The following SLF2 variants were observed in gnomAD, a reference collection of about 807,000 sequenced individuals.
SLF2 encodes the protein SMC5/6 complex localization factor 2.
A neutral mutation model predicts 124.3 loss-of-function variants in SLF2; 68 were observed. That is an observed-to-expected ratio of 0.55 (90% CI 0.45 to 0.67). SLF2 has a LOEUF of 0.67. Among genes scored for constraint, SLF2 ranks in the 30% least tolerant of loss-of-function variants. The pLI is 0.00. For synonymous variants in SLF2, 480 were observed against 478.8 expected (o/e 1.00, Z -0.03); for missense variants, 1,246 against 1,373.7 (o/e 0.91, Z 1.47).
At chr10:100,942,984 T>G (rs1589959368) in intron 11 of SLF2, among the ~76,000 whole-genome samples, 1 of 124,814 alleles carries the variant, frequency 8.0e-6, no homozygotes, top group Admixed American at 9.9e-5. Context: ...AACTTTAGGG[T>G]ATTTATGGAG....
intron 18 of SLF2, among the ~76,000 whole-genome samples, chr10:100,958,677 T>C (rs1005300061): frequency 2.0e-5 from 3 of 152,218 alleles, no homozygotes; most frequent in Non-Finnish European, 4.4e-5. Context: ...GGTGATTGTT[T>C]TGGAGAAATT....
At chr10:100,944,476 C>T (rs1219925656) in intron 12 of SLF2, among the ~76,000 whole-genome samples, 1 of 119,066 alleles carries the variant, frequency 8.4e-6, no homozygotes, top group Non-Finnish European at 1.6e-5. Flanking sequence ...GCCTGGGCAA[C>T]AGAGCAAGAC....
chr10:100,938,497 C>T, intron 10 of SLF2, 98 bp from the exon 11 acceptor site: 2 of 1,188,354 alleles, frequency 1.7e-6, no homozygotes. Context: ...TCTATAAAAC[C>T]ATTGTAATTA....
chr10:100,929,263 CT>C, intron 6 of SLF2, 53 bp from the exon 7 acceptor site: 2 of 1,513,418 alleles, frequency 1.3e-6, no homozygotes, highest in Non-Finnish European at 1.8e-6. Flanking sequence ...AAACTAAAGA[CT>C]TTTTAAAAAT....
chr10:100,916,476 ATAGTT>A, intron 2 of SLF2, 89 bp from the exon 3 acceptor site: 1 of 1,052,828 alleles, frequency 9.5e-7, no homozygotes, highest in Non-Finnish European at 1.2e-6. Context: ...TAACATTAGT[ATAGTT>A]TAATTTATAT....
At position 100,964,470 on chromosome 10, in the gene SLF2, G is replaced by A. The variant is rs1564788619; in HGVS notation, c.*2558G>A. 6.6e-6 allele frequency: 1 copy of A among 152,604 alleles called. No homozygotes were observed. The highest frequency in any genetic ancestry group is 2.1e-4 in the South Asian group (1 of 4,832). The allele number at this position is 152,604 out of a possible 1,614,324, so 9.5% of individuals were successfully genotyped here. A position where few individuals can be genotyped will look rare whatever the true frequency, so the allele number is the denominator to read the frequency against. On this transcript the variant is annotated 3_prime_UTR_variant, in exon 20 of 20. Transcript: ENST00000238961. ...TTTATCACATTAAGAGGCTCTCCAT[G>A]CACAAAATGCATTGATGTAGCCGTA...
intron 19 of SLF2, among the ~76,000 whole-genome samples, chr10:100,960,820 A>C (rs190317474): frequency 8.0e-5 from 12 of 150,886 alleles, no homozygotes; most frequent in Middle Eastern, 3.4e-3. Context: ...TAAGAGGGAC[A>C]TTTTTTTTAA....
At chr10:100,917,723 C>A (rs1384412534) in intron 3 of SLF2, among the ~76,000 whole-genome samples, 40 of 152,096 alleles carry the variant, frequency 2.6e-4, no homozygotes, top group Non-Finnish European at 2.9e-5. Flanking sequence ...ACTCCAGGTA[C>A]CTGCCACCAT....
intron 12 of SLF2, among the ~76,000 whole-genome samples, chr10:100,944,751 G>T (rs532999029): frequency 6.6e-6 from 1 of 152,126 alleles, no homozygotes; most frequent in African/African-American, 2.4e-5. Flanking sequence ...GAGGCCGGGC[G>T]CGGTGGCTCA....
intron 18 of SLF2, 21 bp from the exon 19 acceptor site, chr10:100,959,407 C>G: frequency 1.9e-6 from 3 of 1,592,254 alleles, no homozygotes; most frequent in Non-Finnish European, 2.6e-6. Flanking sequence ...GATCCCTTTT[C>G]CTGTTTTTGA....
Position 100,929,990 on chromosome 10 carries a change from A to C in SLF2, c.2326A>C (p.Ile776Leu). 2.6e-6 allele frequency: 4 copies of C among 1,515,488 alleles called. No homozygotes were observed. Among genetic ancestry groups the C allele is most frequent in the Non-Finnish European group, 3.5e-6 (4 of 1,130,350 alleles). 93.9% of individuals were successfully genotyped at this position (1,515,488 alleles called of 1,614,324 possible). Residue 776 changes from isoleucine to leucine, a missense_variant, in exon 8 of 20, where the codon ATT (isoleucine) becomes CTT (leucine). Physicochemically the swap from Ile to Leu is conservative, Grantham distance 5. Coordinates refer to ENST00000238961, the MANE Select transcript of SLF2 (RefSeq NM_018121.4). ...FIGQSAVEKL[I>L]LKSGKTDQIF... is the part of the protein sequence containing the mutation. ...TGGACAAAGTGCTGTAGAAAAACTTATTCTTAAGTAAGTAGAAAAATAGAC... is the reference window on the plus strand; with the variant it reads ...TGGACAAAGTGCTGTAGAAAAACTTCTTCTTAAGTAAGTAGAAAAATAGAC...
In SLF2 at chr10:100,929,971, A is replaced by G. The variant is rs150795530; in HGVS notation, c.2307A>G (p.Gln769=). The change falls in exon 8 of 20, where the codon CAA becomes CAG. Residue 769 remains glutamine (Q), a synonymous_variant. Coordinates refer to ENST00000238961, the MANE Select transcript of SLF2 (RefSeq NM_018121.4). ...TAAGAGACTCTGGTTTTATTGGACA[A>G]AGTGCTGTAGAAAAACTTATTCTTA... The part of the protein sequence containing the change: ...LDLRDSGFIG[Q]SAVEKLILKS... The G allele has an allele frequency of 4.9e-4, 764 of 1,545,644 alleles. No homozygotes were observed. Among genetic ancestry groups the G allele is most frequent in the Non-Finnish European group, 6.4e-4 (738 of 1,149,152 alleles).
chr10:100,956,561 CT>C (rs368524733), intron 18 of SLF2, 24 bp downstream of exon 18: 14,464 of 1,174,668 alleles, frequency 0.012, no homozygotes, highest in South Asian at 0.017. Flanking sequence ...TTCTTTTTTT[CT>C]TTTTTTTTTT....
chr10:100,957,454 G>C (rs550151842), intron 18 of SLF2, among the ~76,000 whole-genome samples: 1 of 144,220 alleles, frequency 6.9e-6, no homozygotes, highest in Non-Finnish European at 1.5e-5. Context: ...AGGTTCAAGC[G>C]ATTCTCCTGC....
chr10:100,954,932 C>T (rs983618173), intron 17 of SLF2, among the ~76,000 whole-genome samples: 1 of 147,892 alleles, frequency 6.8e-6, no homozygotes, highest in Non-Finnish European at 1.5e-5. Context: ...GATAACAAGG[C>T]AAGACTCTCT....
At chr10:100,923,911 T>A (rs1178478289) in intron 4 of SLF2, 64 bp from the exon 5 acceptor site, 3 of 1,321,518 alleles carry the variant, frequency 2.3e-6, no homozygotes, top group Non-Finnish European at 1.0e-6. Context: ...TTCTAGACAC[T>A]GAATAAACTT....
At chr10:100,958,364 A>T (rs1281304903) in intron 18 of SLF2, among the ~76,000 whole-genome samples, 1 of 152,242 alleles carries the variant, frequency 6.6e-6, no homozygotes, top group African/African-American at 2.4e-5. Flanking sequence ...AAATACATGT[A>T]GGGGATAGCT....
rs112326723 is a variant in SLF2, at chr10:100,956,365, T to C, written c.3331-86T>C. 5.3e-4 allele frequency: 490 copies of C among 927,542 alleles called. 2 individuals are homozygous for C. In the African/African-American group the frequency reaches 7.1e-3, roughly 13 times the overall value. The allele number at this position is 927,542 out of a possible 1,614,324, so 57.5% of individuals were successfully genotyped here. A position where few individuals can be genotyped will look rare whatever the true frequency, so the allele number is the denominator to read the frequency against. On this transcript the variant is annotated intron_variant, in intron 17 of 19. Coordinates refer to ENST00000238961, the MANE Select transcript of SLF2 (RefSeq NM_018121.4). ...CTAACAGGAATAATAGATTTTTAAA[T>C]GATTTAGTTGTTCTAGCTGCATAAT...
At chr10:100,916,089 GGAGA>G in intron 2 of SLF2, 47 bp downstream of exon 2, 4 of 1,474,046 alleles carry the variant, frequency 2.7e-6, no homozygotes, top group Non-Finnish European at 3.8e-6. Context: ...TTGGGGGTGA[GGAGA>G]GAGACAGATT....
Sources: allele counts gnomAD v4.1 joint callset (sites outside exome capture counted in the v4.1 genomes callset), GRCh38; gene constraint gnomAD v4.1.1; transcripts MANE v1.5; gene names NCBI Gene and HGNC (gene_info 2026-07-23, HGNC 2026-07-21).